APBB1IP: variants seen among roughly 807,000 people sequenced by gnomAD.
APBB1IP encodes the protein amyloid beta A4 precursor protein-binding family B member 1-interacting protein.
In APBB1IP, 27 loss-of-function variants were observed where a neutral mutation model predicts 64.9. That is an observed-to-expected ratio of 0.42 (90% CI 0.31 to 0.57). The LOEUF is 0.57. APBB1IP is among the 20% of genes least tolerant of loss of function. APBB1IP has a pLI of 0.20. For missense variants in APBB1IP, 812 were observed against 845.5 expected (o/e 0.96, Z 0.49); for synonymous variants, 392 against 331.0 (o/e 1.18, Z -2.00).
At chr10:26,553,866 C>T (rs1019619320) in intron 11 of APBB1IP, among the ~76,000 whole-genome samples, 7 of 152,148 alleles carry the variant, frequency 4.6e-5, no homozygotes, top group African/African-American at 1.7e-4. Context: ...ACAGCATCCT[C>T]ATTTTATGGT....
intron 2 of APBB1IP, among the ~76,000 whole-genome samples, chr10:26,461,156 A>C (rs1262064151): frequency 6.6e-6 from 1 of 152,018 alleles, no homozygotes; most frequent in Non-Finnish European, 1.5e-5. Context: ...AAAACGAAGG[A>C]AGAGAGGGAA....
chr10:26,546,514 A>G (rs1475606179), intron 11 of APBB1IP, among the ~76,000 whole-genome samples: 3 of 152,256 alleles, frequency 2.0e-5, no homozygotes, highest in Non-Finnish European at 4.4e-5. Context: ...TAATCATCAA[A>G]TCATGGTAAT....
rs148228266 is a variant in APBB1IP at position 26,443,257 on chromosome 10, A to C, written c.-1+4404A>C. Among the ~76,000 whole-genome samples the C allele has an allele frequency of 1.3e-3, 200 of 152,162 alleles. 5 individuals carry two copies. The South Asian group carries it at 0.025, about 19-fold the overall frequency. On this transcript the variant is annotated intron_variant, in intron 2 of 14. Coordinates refer to ENST00000376236, the MANE Select transcript of APBB1IP (RefSeq NM_019043.4). ...ACCAACATGGTGAAACACTGTCTTTACTAAAAATACAAAAAAATTAGCCTG... is the reference window on the plus strand; with the variant it reads ...ACCAACATGGTGAAACACTGTCTTTCCTAAAAATACAAAAAAATTAGCCTG...
At chr10:26,501,847 A>G (rs1238292516) in intron 5 of APBB1IP, 2 of 152,354 alleles carry the variant, frequency 1.3e-5, no homozygotes, top group African/African-American at 4.8e-5. Context: ...GTACTCACAA[A>G]TAAGACCCTA....
intron 13 of APBB1IP, 170 bp from the exon 14 acceptor site, chr10:26,562,156 T>C (rs1449469558): frequency 5.4e-6 from 3 of 551,054 alleles, no homozygotes; most frequent in Non-Finnish European, 9.9e-6. Flanking sequence ...ATGCCATGCC[T>C]GTGAGTTGCT....
chr10:26,494,334 G>A (rs922669363), intron 3 of APBB1IP, among the ~76,000 whole-genome samples: 1 of 152,240 alleles, frequency 6.6e-6, no homozygotes, highest in East Asian at 1.9e-4. Flanking sequence ...TTACAGTCAG[G>A]TGGGCTTTAG....
chr10:26,466,636 A>G (rs1416564332), intron 2 of APBB1IP, among the ~76,000 whole-genome samples: 1 of 152,204 alleles, frequency 6.6e-6, no homozygotes, highest in East Asian at 1.9e-4. Context: ...ACTCGGCCCC[A>G]CAAAAAATTT....
intron 10 of APBB1IP, among the ~76,000 whole-genome samples, chr10:26,540,020 A>C (rs1259717469): frequency 6.6e-6 from 1 of 152,242 alleles, no homozygotes; most frequent in Non-Finnish European, 1.5e-5. Flanking sequence ...GGGACAATTT[A>C]GCAAAATCTA....
chr10:26,558,181 T>C (rs1836918590), intron 11 of APBB1IP, among the ~76,000 whole-genome samples: 1 of 149,622 alleles, frequency 6.7e-6, no homozygotes, highest in African/African-American at 2.5e-5. Context: ...TGCTTGTGGT[T>C]AATTATTTTT....
intron 4 of APBB1IP, among the ~76,000 whole-genome samples, chr10:26,497,206 ACT>A (rs1836036389): frequency 6.6e-6 from 1 of 150,916 alleles, no homozygotes; most frequent in African/African-American, 2.4e-5. Flanking sequence ...CAAAACAAAA[ACT>A]CTGTTTATTT....
intron 2 of APBB1IP, among the ~76,000 whole-genome samples, chr10:26,471,736 G>T (rs1835718332): frequency 1.3e-5 from 2 of 152,154 alleles, no homozygotes; most frequent in South Asian, 4.1e-4. Context: ...CCAGGCTGGA[G>T]GTCAGTGGCG....
chr10:26,445,161 A>C lies in APBB1IP; in HGVS notation c.-1+6308A>C, dbSNP rs544162896. On this transcript the variant is annotated intron_variant, in intron 2 of 14. Transcript: ENST00000376236. ...GAAAGAAAGAAAGAAAGAAAGAAAG[A>C]AAGAAAGAAAGAAAGAAAGAAAGAA... is the stretch of plus-strand genomic sequence containing the variant. Among the ~76,000 whole-genome samples the C allele has an allele frequency of 1.1e-3, 162 of 150,856 alleles. 1 individual carries two copies. Among genetic ancestry groups the C allele is most frequent in the Non-Finnish European group, 1.8e-3 (121 of 67,546 alleles).
chr10:26,488,965 C>T (rs558279281), intron 2 of APBB1IP, among the ~76,000 whole-genome samples: 1 of 152,230 alleles, frequency 6.6e-6, no homozygotes, highest in South Asian at 2.1e-4. Context: ...GCGTCTGCCA[C>T]TAAGAAATGT....
chr10:26,564,697 G>A (rs1421248886), intron 14 of APBB1IP, among the ~76,000 whole-genome samples: 1 of 152,102 alleles, frequency 6.6e-6, no homozygotes, highest in Non-Finnish European at 1.5e-5. Flanking sequence ...CAGCTAATCC[G>A]GAGGCTGAGG....
At position 26,536,233 on chromosome 10, in the gene APBB1IP, A is replaced by T. The variant is rs1354656651; in HGVS notation, c.1044+16A>T. 3 of 1,565,784 alleles carry T rather than the reference A, an allele frequency of 1.9e-6. No homozygotes were observed. ...AAAGACTAAGGTCAGAAAAAAAAAAAAAAAAGCACTTAGCAATAAAGCATT... is the reference window on the plus strand; with the variant it reads ...AAAGACTAAGGTCAGAAAAAAAAAATAAAAAGCACTTAGCAATAAAGCATT... On this transcript the variant is annotated intron_variant, in intron 10 of 14. Coordinates refer to ENST00000376236, the MANE Select transcript of APBB1IP (RefSeq NM_019043.4).
chr10:26,453,997 G>A (rs1368051260), intron 2 of APBB1IP, among the ~76,000 whole-genome samples: 1 of 152,098 alleles, frequency 6.6e-6, no homozygotes, highest in Non-Finnish European at 1.5e-5. Context: ...AGAAAATATG[G>A]TACTTATCCA....
chr10:26,477,260 C>T lies in APBB1IP; in HGVS notation c.1-15067C>T, dbSNP rs886210659. The stretch of plus-strand genomic sequence containing the variant: ...GTGGGGCACACGATGTCACATGGTC[C>T]CATTATTGATAATTCTAAGTTTGAT... On this transcript the variant is annotated intron_variant, in intron 2 of 14. Coordinates refer to ENST00000376236, the MANE Select transcript of APBB1IP (RefSeq NM_019043.4). Among the ~76,000 whole-genome samples, 5 of 152,124 alleles carry T rather than the reference C, an allele frequency of 3.3e-5. No homozygotes were observed. In the South Asian group the frequency reaches 6.2e-4, roughly 19 times the overall value.
At chr10:26,502,094 C>T (rs1398879730) in intron 5 of APBB1IP, among the ~76,000 whole-genome samples, 4 of 152,152 alleles carry the variant, frequency 2.6e-5, no homozygotes, top group South Asian at 2.1e-4. Flanking sequence ...ACTTGTGAAG[C>T]TTTATGGGCT....
At chr10:26,445,793 A>G (rs1040842668) in intron 2 of APBB1IP, among the ~76,000 whole-genome samples, 12 of 152,232 alleles carry the variant, frequency 7.9e-5, no homozygotes, top group African/African-American at 2.7e-4. Context: ...GCAGGGCTAA[A>G]AATTCTCTAG....
Sources: gnomAD v4.1 joint callset for allele counts (sites outside exome capture counted in the v4.1 genomes callset) on GRCh38, gnomAD v4.1.1 for gene constraint, MANE v1.5 for transcripts, NCBI Gene and HGNC (gene_info 2026-07-23, HGNC 2026-07-21) for gene names.